The following NTMT2 variants were observed in gnomAD, a reference collection of about 807,000 sequenced individuals.
NTMT2 encodes X-Pro-Lys N-terminal protein methyltransferase 1B.
A neutral mutation model predicts 23.4 loss-of-function variants in NTMT2; 21 were observed. The observed-to-expected ratio is 0.90, with a 90% confidence interval of 0.64 to 1.29. NTMT2 has a LOEUF of 1.29. Ranked by LOEUF, NTMT2 falls within the 50% of genes most tolerant of loss-of-function variation. The pLI is 0.00. For missense variants in NTMT2, 336 were observed against 352.0 expected (o/e 0.95, Z 0.36); for synonymous variants, 131 against 127.7 (o/e 1.03, Z -0.17).
intron 2 of NTMT2, among the ~76,000 whole-genome samples, chr1:170,163,466 G>C (rs765283790): frequency 1.3e-5 from 2 of 152,172 alleles, no homozygotes; most frequent in African/African-American, 4.8e-5. Context: ...ATTTACTTTA[G>C]CAAATAAACA....
chr1:170,162,900 G>T (rs1673301705), intron 2 of NTMT2, among the ~76,000 whole-genome samples: 1 of 150,894 alleles, frequency 6.6e-6, no homozygotes, highest in Admixed American at 6.6e-5. Flanking sequence ...TTACTTTTTT[G>T]GTGGACCATA....
rs36025340 is a variant in NTMT2 at position 170,164,121 on chromosome 1, CAAAAAA to C, written c.331-2364_331-2359del. Among the ~76,000 whole-genome samples, 406 of 101,962 alleles carry C rather than the reference CAAAAAA, an allele frequency of 4.0e-3. 1 individual carries two copies. Among genetic ancestry groups the C allele is most frequent in the African/African-American group, 0.014 (380 of 27,596 alleles). The allele number at this position is 101,962 out of a possible 152,430, so 66.9% of individuals were successfully genotyped here. The stretch of plus-strand genomic sequence containing the variant: ...TGGGTGACAGAATGAGACTCTATCT[CAAAAAA>C]AAAAAAAAAAAAAAAAGACCGTCTT... On this transcript the variant is annotated intron_variant, in intron 2 of 3. Transcript: ENST00000439373.
In NTMT2 at chr1:170,167,964, A is replaced by G. The variant is rs1032338463; in HGVS notation, c.*207A>G. ...GATGAGACATGCACAAATTCTGTGG[A>G]TTTTCTGAAAAAAAAATGGAGTGAA... is the stretch of plus-strand genomic sequence containing the variant. On this transcript the variant is annotated 3_prime_UTR_variant, in exon 4 of 4. Coordinates refer to ENST00000439373, the MANE Select transcript of NTMT2 (RefSeq NM_001136107.2). Among the ~76,000 whole-genome samples, 39 of 134,270 alleles carry G rather than the reference A, an allele frequency of 2.9e-4. 2 individuals carry two copies. The highest frequency in any genetic ancestry group is 3.2e-5 in the Non-Finnish European group (2 of 61,886). 88.1% of individuals were successfully genotyped at this position (134,270 alleles called of 152,430 possible).
In NTMT2 at chr1:170,166,727, G is replaced by C; in HGVS notation, c.556G>C (p.Val186Leu). ...CACACCCCCCTTCAGGAGATATGAT[G>C]TCATCTGGATTCAGTGGGTCTCTGG... The part of the protein sequence containing the change: ...EFTPPFRRYD[V>L]IWIQWVSGHL... The change falls in exon 3 of 4, where the codon GTC becomes CTC. Residue 186 changes from valine (V) to leucine (L), a missense_variant. Val to Leu is a conservative substitution (Grantham distance 32). Transcript: ENST00000439373. 1 of 1,552,360 alleles carries C rather than the reference G, an allele frequency of 6.4e-7. No homozygotes were observed. The highest frequency in any genetic ancestry group is 8.7e-7 in the Non-Finnish European group (1 of 1,147,124).
intron 3 of NTMT2, 104 bp downstream of exon 3, chr1:170,166,855 T>C: frequency 8.0e-7 from 1 of 1,247,068 alleles, no homozygotes; most frequent in Non-Finnish European, 1.1e-6. Flanking sequence ...CTGTAGTACT[T>C]CAAGCAGTTA....
intron 1 of NTMT2, among the ~76,000 whole-genome samples, chr1:170,157,054 T>C (rs1323396257): frequency 6.6e-6 from 1 of 152,158 alleles, no homozygotes; most frequent in African/African-American, 2.4e-5. Flanking sequence ...GTTCCTAGCC[T>C]GATTTTCTGA....
Position 170,168,551 on chromosome 1 carries a change from T to G in NTMT2, c.*794T>G, listed in dbSNP as rs1256876455. Among the ~76,000 whole-genome samples, 1 of 152,228 alleles carries G rather than the reference T, an allele frequency of 6.6e-6. No individual in the cohort carries two copies. Among genetic ancestry groups the G allele is most frequent in the Non-Finnish European group, 1.5e-5 (1 of 68,042 alleles). ...GTTTCACTTTCTATTTTGGGTCAGT[T>G]TTACTACCCAATGATGTAATATGGA... On this transcript the variant is annotated 3_prime_UTR_variant, in exon 4 of 4. Coordinates refer to ENST00000439373, the MANE Select transcript of NTMT2 (RefSeq NM_001136107.2).
intron 1 of NTMT2, among the ~76,000 whole-genome samples, chr1:170,158,780 C>T (rs1673212345): frequency 6.6e-6 from 1 of 151,886 alleles, no homozygotes; most frequent in Admixed American, 6.6e-5. Flanking sequence ...GAAATTTACT[C>T]AACTTTGTAT....
At position 170,149,210 on chromosome 1, in the gene NTMT2, T is replaced by A. The variant is rs562030348; in HGVS notation, c.154+2949T>A. Among the ~76,000 whole-genome samples, 15 of 152,378 alleles carry A rather than the reference T, an allele frequency of 9.8e-5. No homozygotes were observed. The East Asian group carries it at 2.9e-3, about 29-fold the overall frequency. The stretch of plus-strand genomic sequence containing the variant: ...TGCAAATCTACAAATAACTGTGTAT[T>A]AATCCTTTTAAACTAAGGGTGCAGG... On this transcript the variant is annotated intron_variant, in intron 1 of 3. Transcript: ENST00000439373.
intron 1 of NTMT2, among the ~76,000 whole-genome samples, chr1:170,160,175 T>C (rs1673250081): frequency 6.6e-6 from 1 of 152,224 alleles, no homozygotes; most frequent in Non-Finnish European, 1.5e-5. Context: ...GCAAAATTGA[T>C]GACATTCTTT....
At position 170,146,172 on chromosome 1, in the gene NTMT2, G is replaced by A; in HGVS notation, c.65G>A (p.Cys22Tyr). 1.3e-6 allele frequency: 2 copies of A among 1,551,352 alleles called. No homozygotes were observed. The highest frequency in any genetic ancestry group is 1.4e-5 in the African/African-American group (1 of 72,936). ...TGGCAGAAGACCGACGATGAACTCT[G>A]TAGACATAGCATGTCTTTTATCCTT... ...SRWQKTDDELCRHSMSFILHK... is the reference protein window; with the variant it reads ...SRWQKTDDELYRHSMSFILHK... The change falls in exon 1 of 4, where the codon TGT becomes TAT. Residue 22 changes from cysteine (C) to tyrosine (Y), a missense_variant. Transcript: ENST00000439373.
intron 1 of NTMT2, among the ~76,000 whole-genome samples, chr1:170,153,111 C>T (rs1343243667): frequency 1.3e-5 from 2 of 152,174 alleles, no homozygotes; most frequent in African/African-American, 4.8e-5. Context: ...TAAAAGCTCC[C>T]TAAGGCCTCC....
At chr1:170,148,364 G>A (rs144243865) in intron 1 of NTMT2, among the ~76,000 whole-genome samples, 2,128 of 151,694 alleles carry the variant, frequency 0.014, 52 homozygotes, top group African/African-American at 0.049. Flanking sequence ...TATTAGCCAG[G>A]ATGGTCTTGA....
At chr1:170,155,468 A>T (rs1673147860) in intron 1 of NTMT2, among the ~76,000 whole-genome samples, 1 of 150,942 alleles carries the variant, frequency 6.6e-6, no homozygotes, top group African/African-American at 2.4e-5. Flanking sequence ...AGAAGTACTT[A>T]TCTGCAAATC....
chr1:170,160,160 TCA>T (rs1673249936), intron 1 of NTMT2, among the ~76,000 whole-genome samples: 1 of 152,212 alleles, frequency 6.6e-6, no homozygotes, highest in South Asian at 2.1e-4. Context: ...GAGATAGAAC[TCA>T]CTGCAAAATT....
Position 170,158,927 on chromosome 1 carries a change from G to A in NTMT2, c.155-1591G>A, listed in dbSNP as rs529729324. On this transcript the variant is annotated intron_variant, in intron 1 of 3. Coordinates refer to ENST00000439373, the MANE Select transcript of NTMT2 (RefSeq NM_001136107.2). Reference sequence around the variant, plus strand: ...CTCTTCAAAGATTTATGAGTTTTTCGTTTGTTTTGGCTTAAATTCTCATCC... The same window carrying A: ...CTCTTCAAAGATTTATGAGTTTTTCATTTGTTTTGGCTTAAATTCTCATCC... Among the ~76,000 whole-genome samples, 17 of 151,656 alleles carry A rather than the reference G, an allele frequency of 1.1e-4. No homozygotes were observed. The South Asian group carries it at 2.1e-3, about 19-fold the overall frequency.
rs996992660 is a variant in NTMT2 at position 170,167,393 on chromosome 1, G to A, written c.581-93G>A. 1.9e-5 allele frequency: 22 copies of A among 1,149,500 alleles called. No homozygotes were observed. The East Asian group carries it at 5.2e-4, about 27-fold the overall frequency. 71.2% of individuals were successfully genotyped at this position (1,149,500 alleles called of 1,614,324 possible). A position where few individuals can be genotyped will look rare whatever the true frequency, so the allele number is the denominator to read the frequency against. ...TAAATCATGAATGAGTGAACAAATG[G>A]TCTCCTGATTCTTAGCCATGTTCTT... On this transcript the variant is annotated intron_variant, in intron 3 of 3. Transcript: ENST00000439373.
intron 2 of NTMT2, among the ~76,000 whole-genome samples, chr1:170,161,292 C>T (rs1237663536): frequency 3.5e-5 from 5 of 142,848 alleles, no homozygotes; most frequent in Non-Finnish European, 7.6e-5. Context: ...GGTGAGACTC[C>T]GTCTAAAAAA....
chr1:170,155,553 C>G (rs1344739951), intron 1 of NTMT2, among the ~76,000 whole-genome samples: 2 of 151,860 alleles, frequency 1.3e-5, no homozygotes, highest in Non-Finnish European at 2.9e-5. Context: ...AAAGGGCTAA[C>G]TTGATCAAAT....
Sources: allele counts gnomAD v4.1 joint callset (sites outside exome capture counted in the v4.1 genomes callset), GRCh38; gene constraint gnomAD v4.1.1; transcripts MANE v1.5; gene names NCBI Gene and HGNC (gene_info 2026-07-23, HGNC 2026-07-21).